TAF4: variants seen among roughly 807,000 people sequenced by gnomAD.
The protein encoded by TAF4 is TATA-box binding protein associated factor 4.
Under a neutral mutation model 90.3 loss-of-function variants are expected in TAF4, and 9 were observed. The ratio of observed to expected loss-of-function variants is 0.10; its 90% CI spans 0.06 to 0.17. The LOEUF (loss-of-function observed/expected upper bound fraction) is 0.17, where lower values mean the gene tolerates loss of function less well. Among genes scored for constraint, TAF4 ranks in the 10% least tolerant of loss-of-function variants. The probability of loss-of-function intolerance (pLI) is 1.00; values close to 1 mark genes in which losing one functional copy is unlikely to be tolerated. For synonymous variants in TAF4, 818 were observed against 638.9 expected, an observed-to-expected ratio of 1.28 and a Z score of -4.23; for missense variants, 1,351 against 1,370.7, an observed-to-expected ratio of 0.99 and a Z score of 0.23.
chr20:62,059,099 C>T (rs1331907197), intron 1 of TAF4, among the ~76,000 whole-genome samples: 1 of 152,218 alleles, frequency 6.6e-6, no homozygotes, highest in Non-Finnish European at 1.5e-5. Flanking sequence ...CGGTTCCCAA[C>T]GACAACTTCT....
chr20:61,978,527 AACCAAGGCCG>A (rs1292008425), intron 14 of TAF4, among the ~76,000 whole-genome samples: 31 of 151,448 alleles, frequency 2.0e-4, no homozygotes, highest in Non-Finnish European at 3.4e-4. Context: ...GCGCGAGACC[AACCAAGGCCG>A]GGGGCGAGAC....
rs1426278301 is a variant in TAF4 at position 62,065,787 on chromosome 20, C to T, written c.24G>A (p.Leu8=). 4 of 1,327,076 alleles carry T rather than the reference C, an allele frequency of 3.0e-6. No individual in the cohort carries two copies. In the Admixed American group the frequency reaches 1.0e-4, roughly 33 times the overall value. The allele number at this position is 1,327,076 out of a possible 1,614,324, so 82.2% of individuals were successfully genotyped here. A position where few individuals can be genotyped will look rare whatever the true frequency, so the allele number is the denominator to read the frequency against. ...CCTCGCTGTTGAAGAAGACCTCGTC[C>T]AGCAGATCCGAGCCCGCCGCCATCT... MAAGSDL[L]DEVFFNSEVD... The change falls in exon 1 of 15, where the codon CTG becomes CTA. Residue 8 remains leucine, a synonymous_variant. Transcript: ENST00000252996.
At chr20:62,012,684 C>A in intron 3 of TAF4, 131 bp downstream of exon 3, 1 of 1,261,782 alleles carries the variant, frequency 7.9e-7, no homozygotes, top group Non-Finnish European at 1.0e-6. Context: ...CACAGAGAAC[C>A]TTCCTCCCCA....
rs1351608456 is a variant in TAF4 at position 62,065,248 on chromosome 20, TTGCCAGGGCCAG to T, written c.551_562del (p.Pro184_Lys188delinsGln). On this transcript the variant is annotated inframe_deletion, in exon 1 of 15. Coordinates refer to ENST00000252996, the MANE Select transcript of TAF4 (RefSeq NM_003185.4). ...TTGCGCGGCGCCGGGGCCGGCGGGC[TTGCCAGGGCCAG>T]GGCCGGGGCCGGGGCCGGGGCCGGG... 1.1e-6 allele frequency: 1 copy of T among 940,762 alleles called. No homozygotes were observed. 58.3% of individuals were successfully genotyped at this position (940,762 alleles called of 1,614,324 possible). A position where few individuals can be genotyped will look rare whatever the true frequency, so the allele number is the denominator to read the frequency against.
chr20:61,993,618 G>A (rs906636714), intron 14 of TAF4, among the ~76,000 whole-genome samples: 41 of 152,192 alleles, frequency 2.7e-4, no homozygotes, highest in South Asian at 6.2e-4. Context: ...AGGTCCTGGC[G>A]TTTCTTCCTG....
In TAF4 at chr20:62,007,635, T is replaced by C; in HGVS notation, c.1886A>G (p.Asp629Gly). The C allele has an allele frequency of 6.3e-7, 1 of 1,598,392 alleles. No individual in the cohort carries two copies. Among genetic ancestry groups the C allele is most frequent in the Non-Finnish European group, 8.5e-7 (1 of 1,172,462 alleles). ...GAAATCTTCTGCTTCTATTTTTCCA[T>C]CCTTAAAAATAAAATCCATGTTGAA... ...NVKELVQNLL[D>G]GKIEAEDFTS... Residue 629 changes from aspartate to glycine, a missense_variant and splice_region_variant, in exon 6 of 15, where the codon GAT becomes GGT. Physicochemically the swap from Asp to Gly is moderately conservative, Grantham distance 94 (BLOSUM62 -1). This residue lies in a region of TAF4 where 44 missense variants were observed against 97.4 expected (regional missense o/e 0.45). Transcript: ENST00000252996.
intron 14 of TAF4, among the ~76,000 whole-genome samples, chr20:61,995,100 T>C (rs1453020426): frequency 3.3e-5 from 5 of 152,128 alleles, no homozygotes; most frequent in Admixed American, 1.3e-4. Flanking sequence ...AGCCAGTAAC[T>C]CAACCGCCTG....
intron 14 of TAF4, among the ~76,000 whole-genome samples, chr20:61,996,441 T>C (rs142515821): frequency 4.2e-4 from 64 of 152,276 alleles, no homozygotes; most frequent in African/African-American, 1.5e-3. Context: ...GAACAAGGTC[T>C]TGAAAGTTTC....
chr20:62,030,100 G>A (rs2055896716), intron 1 of TAF4, among the ~76,000 whole-genome samples: 1 of 152,200 alleles, frequency 6.6e-6, no homozygotes, highest in Non-Finnish European at 1.5e-5. Flanking sequence ...GAGCAGCGCA[G>A]CGGGCCAGAG....
intron 1 of TAF4, among the ~76,000 whole-genome samples, chr20:62,033,901 G>T (rs1354479276): frequency 6.6e-6 from 1 of 151,928 alleles, no homozygotes. Flanking sequence ...AATTAGCTGG[G>T]CATGGTGGCA....
intron 14 of TAF4, among the ~76,000 whole-genome samples, chr20:61,983,560 G>A (rs767611980): frequency 6.6e-6 from 1 of 152,154 alleles, no homozygotes; most frequent in South Asian, 2.1e-4. Flanking sequence ...CTACTGGGGC[G>A]GCTGAGGCAG....
chr20:62,047,675 C>T (rs1478337942), intron 1 of TAF4, among the ~76,000 whole-genome samples: 1 of 152,356 alleles, frequency 6.6e-6, no homozygotes, highest in East Asian at 1.9e-4. Context: ...GCGGAAGATG[C>T]TGCAGCCTCT....
intron 1 of TAF4, 27 bp downstream of exon 1, chr20:62,064,424 T>C: frequency 7.8e-7 from 1 of 1,290,182 alleles, no homozygotes; most frequent in Non-Finnish European, 9.9e-7. Flanking sequence ...GAGCCGCCCT[T>C]CCCTCCCGCC....
At chr20:62,061,971 C>T (rs759505213) in intron 1 of TAF4, among the ~76,000 whole-genome samples, 1 of 152,192 alleles carries the variant, frequency 6.6e-6, no homozygotes, top group Non-Finnish European at 1.5e-5. Flanking sequence ...CAGGGTGAAA[C>T]CTCTGTCCCC....
intron 2 of TAF4, among the ~76,000 whole-genome samples, chr20:62,014,030 G>A (rs577115485): frequency 7.6e-5 from 11 of 144,176 alleles, no homozygotes; most frequent in African/African-American, 2.6e-4. Flanking sequence ...GTGTGTGTGT[G>A]TGTGTGTGTG....
chr20:62,052,879 G>T, intron 1 of TAF4, among the ~76,000 whole-genome samples: 1 of 148,808 alleles, frequency 6.7e-6, no homozygotes, highest in South Asian at 2.1e-4. Flanking sequence ...CACACCCCAG[G>T]TCCCTCACGC....
intron 14 of TAF4, among the ~76,000 whole-genome samples, chr20:61,991,179 G>A (rs1050674240): frequency 2.0e-5 from 3 of 152,168 alleles, no homozygotes; most frequent in African/African-American, 7.2e-5. Flanking sequence ...AGCACTTTGG[G>A]AGGCTGAGAC....
intron 1 of TAF4, among the ~76,000 whole-genome samples, chr20:62,045,134 C>G (rs1256127190): frequency 1.3e-5 from 2 of 152,224 alleles, no homozygotes; most frequent in Admixed American, 6.5e-5. Context: ...TAGGGAGAGA[C>G]AGTCTAGCCA....
At chr20:62,028,266 A>C (rs1048655919) in intron 1 of TAF4, among the ~76,000 whole-genome samples, 11 of 152,170 alleles carry the variant, frequency 7.2e-5, no homozygotes, top group African/African-American at 1.9e-4. Flanking sequence ...CATACCCCCC[A>C]AAAAAATGCT....
Sources: allele counts gnomAD v4.1 joint callset (sites outside exome capture counted in the v4.1 genomes callset), GRCh38; gene constraint gnomAD v4.1.1; regional missense constraint gnomAD v4.1.1; transcripts MANE v1.5; gene names NCBI Gene and HGNC (gene_info 2026-07-23, HGNC 2026-07-21).